Variants in SDCCAG8 observed in about 807,000 individuals in gnomAD.
SDCCAG8 encodes the protein serologically defined colon cancer antigen 8.
Under a neutral mutation model 101.8 loss-of-function variants are expected in SDCCAG8, and 74 were observed. The observed-to-expected ratio is 0.73, with a 90% CI of 0.60 to 0.88. The LOEUF is 0.88. SDCCAG8 is among the 40% of genes least tolerant of loss of function. SDCCAG8 has a pLI of 0.00. For missense variants in SDCCAG8, 787 were observed against 822.6 expected, an observed-to-expected ratio of 0.96 and a Z score of 0.53; for synonymous variants, 281 against 292.9, an observed-to-expected ratio of 0.96 and a Z score of 0.41.
intron 4 of SDCCAG8, among the ~76,000 whole-genome samples, chr1:243,276,897 C>A (rs1286460551): frequency 6.6e-6 from 1 of 152,018 alleles, no homozygotes; most frequent in Non-Finnish European, 1.5e-5. Context: ...TGGAATTATT[C>A]TGTATATAGC....
intron 12 of SDCCAG8, among the ~76,000 whole-genome samples, chr1:243,347,636 G>T (rs776476320): frequency 1.3e-5 from 2 of 152,134 alleles, no homozygotes; most frequent in African/African-American, 4.8e-5. Flanking sequence ...TGGCTACCAC[G>T]CAGCATTCCT....
chr1:243,302,211 G>C (rs2071582734), intron 6 of SDCCAG8, among the ~76,000 whole-genome samples: 1 of 152,186 alleles, frequency 6.6e-6, no homozygotes, highest in African/African-American at 2.4e-5. Context: ...TTGCACCAGT[G>C]CATTCGAGCT....
intron 16 of SDCCAG8, among the ~76,000 whole-genome samples, chr1:243,482,259 A>G (rs1663891538): frequency 6.6e-6 from 1 of 152,174 alleles, no homozygotes; most frequent in South Asian, 2.1e-4. Flanking sequence ...GAAGCCTTGC[A>G]TATTTTTTTA....
At chr1:243,449,043 G>A (rs941355447) in intron 16 of SDCCAG8, among the ~76,000 whole-genome samples, 3 of 152,174 alleles carry the variant, frequency 2.0e-5, no homozygotes, top group Admixed American at 6.5e-5. Flanking sequence ...TTACTATTAT[G>A]AAGTAATAAA....
chr1:243,473,128 A>G (rs1661585115), intron 16 of SDCCAG8, among the ~76,000 whole-genome samples: 1 of 152,030 alleles, frequency 6.6e-6, no homozygotes, highest in South Asian at 2.1e-4. Flanking sequence ...CATAATTTTG[A>G]TTGTTATCCA....
At chr1:243,410,496 TAAAAG>T (rs2080094674) in intron 13 of SDCCAG8, among the ~76,000 whole-genome samples, 1 of 152,046 alleles carries the variant, frequency 6.6e-6, no homozygotes, top group Non-Finnish European at 1.5e-5. Context: ...AATTTTATCT[TAAAAG>T]GGAAACACCT....
At chr1:243,418,119 G>T in intron 15 of SDCCAG8, 43 bp downstream of exon 15, 2 of 1,352,676 alleles carry the variant, frequency 1.5e-6, no homozygotes, top group South Asian at 2.3e-5. Context: ...CTGTTTGTGT[G>T]ATTACTCTAA....
chr1:243,350,002 G>A (rs1401590077), intron 12 of SDCCAG8, among the ~76,000 whole-genome samples: 1 of 151,884 alleles, frequency 6.6e-6, no homozygotes, highest in African/African-American at 2.4e-5. Context: ...GGAAAAATGA[G>A]GGCAAAAAAG....
At chr1:243,480,816 G>GGGAT (rs1279407787) in intron 16 of SDCCAG8, among the ~76,000 whole-genome samples, 6 of 97,646 alleles carry the variant, frequency 6.1e-5, no homozygotes, top group South Asian at 7.6e-4. Flanking sequence ...ATGGATGGGT[G>GGGAT]GGATGGATGG....
At chr1:243,413,913 G>GT (rs781576090) in intron 13 of SDCCAG8, among the ~76,000 whole-genome samples, 26 of 152,046 alleles carry the variant, frequency 1.7e-4, no homozygotes, top group South Asian at 4.1e-4. Flanking sequence ...GCCTCCTCTC[G>GT]TAAGACTTAA....
At chr1:243,367,528 A>T (rs1156331032) in intron 12 of SDCCAG8, among the ~76,000 whole-genome samples, 4 of 151,894 alleles carry the variant, frequency 2.6e-5, no homozygotes, top group Non-Finnish European at 5.9e-5. Context: ...TACACTGGTG[A>T]CTTTCACCTC....
rs1223557370 is a variant in SDCCAG8, at chr1:243,415,619, G to A, written c.1617-83G>A. On this transcript the variant is annotated intron_variant, in intron 13 of 17. Coordinates refer to ENST00000366541, the MANE Select transcript of SDCCAG8 (RefSeq NM_006642.5). ...ATGCTTAACAATTTACTACGTATCA[G>A]CTCTCTCTGGTCTATAGGGGACATG... The A allele has an allele frequency of 3.2e-6, 5 of 1,579,008 alleles. No homozygotes were observed. In the African/African-American group the frequency reaches 4.0e-5, roughly 13 times the overall value.
intron 16 of SDCCAG8, among the ~76,000 whole-genome samples, chr1:243,447,834 A>G (rs1156869127): frequency 6.6e-6 from 1 of 152,226 alleles, no homozygotes; most frequent in African/African-American, 2.4e-5. Context: ...TTTACAAAGA[A>G]GGGTAAGGGG....
chr1:243,290,145 A>C (rs531136072), intron 5 of SDCCAG8, among the ~76,000 whole-genome samples: 6 of 151,980 alleles, frequency 3.9e-5, no homozygotes, highest in Non-Finnish European at 8.8e-5. Context: ...TCTTAAGGAG[A>C]AAATTTCTCG....
At position 243,341,145 on chromosome 1, in the gene SDCCAG8, T is replaced by C; in HGVS notation, c.1328T>C (p.Leu443Pro). 1 of 1,614,132 alleles carries C rather than the reference T, an allele frequency of 6.2e-7. No individual in the cohort carries two copies. The highest frequency in any genetic ancestry group is 8.5e-7 in the Non-Finnish European group (1 of 1,179,990). The change falls in exon 11 of 18, where the codon CTG becomes CCG. Residue 443 changes from leucine to proline, a missense_variant. Transcript: ENST00000366541. Reference sequence around the variant, plus strand: ...CAACTGGAGGAAATTCAAAGCCAGCTGGCTTCTCGGGAAATGGATGTCACA... The same window carrying C: ...CAACTGGAGGAAATTCAAAGCCAGCCGGCTTCTCGGGAAATGGATGTCACA... ...INQLEEIQSQ[L>P]ASREMDVTKV...
At position 243,453,362 on chromosome 1, in the gene SDCCAG8, A is replaced by T. The variant is rs141153462; in HGVS notation, c.1985+26804A>T. Among the ~76,000 whole-genome samples the T allele has an allele frequency of 1.2e-4, 18 of 152,270 alleles. 1 individual carries two copies. The East Asian group carries it at 3.5e-3, about 29-fold the overall frequency. On this transcript the variant is annotated intron_variant, in intron 16 of 17. Coordinates refer to ENST00000366541, the MANE Select transcript of SDCCAG8 (RefSeq NM_006642.5). ...GCAACATAAAAGTCCAGGTCTCCTG[A>T]CTCGGAGTACAGACTATGGCAGCAC...
rs1483259504 is a variant in SDCCAG8 at position 243,474,156 on chromosome 1, A to G, written c.1986-14858A>G. Among the ~76,000 whole-genome samples the G allele has an allele frequency of 6.6e-6, 1 of 152,208 alleles. No individual in the cohort carries two copies. Among genetic ancestry groups the G allele is most frequent in the East Asian group, 1.9e-4 (1 of 5,200 alleles). ...TACAAATAAGGAATTAAAAGGTAAG[A>G]AAAGCAAATGCAATCACGCAGCACC... On this transcript the variant is annotated intron_variant, in intron 16 of 17. Transcript: ENST00000366541. The surrounding 1 kb of genome is among the most constrained non-coding windows in gnomAD (Gnocchi z 4.7).
chr1:243,325,114 T>A (rs117564019), intron 9 of SDCCAG8, among the ~76,000 whole-genome samples: 1 of 152,344 alleles, frequency 6.6e-6, no homozygotes, highest in East Asian at 1.9e-4. Flanking sequence ...GACCTTGAAA[T>A]CAGGTCTGTG....
chr1:243,475,504 G>A (rs894602262), intron 16 of SDCCAG8, among the ~76,000 whole-genome samples: 2 of 152,058 alleles, frequency 1.3e-5, no homozygotes, highest in African/African-American at 2.4e-5. Context: ...ATGTGTATGG[G>A]GCTCCATAAG....
Sources: gnomAD v4.1 joint callset for allele counts (sites outside exome capture counted in the v4.1 genomes callset) on GRCh38, gnomAD v4.1.1 for gene constraint, Gnocchi (gnomAD v3.1) non-coding constraint, MANE v1.5 for transcripts, NCBI Gene and HGNC (gene_info 2026-07-23, HGNC 2026-07-21) for gene names.